Variants in COLEC10 observed in about 807,000 individuals in gnomAD.
COLEC10 encodes collectin-10.
COLEC10 carries 22 observed loss-of-function variants against 28.4 expected under a neutral mutation model. The ratio of observed to expected loss-of-function variants is 0.78; its 90% CI spans 0.55 to 1.11. COLEC10 has a LOEUF of 1.11. COLEC10 is among the 50% of genes least tolerant of loss of function. The pLI, the probability that COLEC10 is intolerant of heterozygous loss-of-function variation, is 0.00. For missense variants in COLEC10, 361 were observed against 344.1 expected (o/e 1.05, Z -0.39); for synonymous variants, 125 against 116.1 (o/e 1.08, Z -0.49).
intron 2 of COLEC10, among the ~76,000 whole-genome samples, chr8:119,045,418 C>A (rs1021527054): frequency 2.6e-5 from 4 of 152,226 alleles, no homozygotes; most frequent in Admixed American, 6.5e-5. Flanking sequence ...CACAGCACAG[C>A]AGCTCATACT....
the COLEC10 span, among the ~76,000 whole-genome samples, chr8:118,979,974 G>C: frequency 6.6e-6 from 1 of 152,058 alleles, no homozygotes. Flanking sequence ...AGGCTGCTCA[G>C]AACTTGGCAG....
chr8:119,096,273 A>G (rs1815714956), intron 3 of COLEC10, among the ~76,000 whole-genome samples: 1 of 152,166 alleles, frequency 6.6e-6, no homozygotes, highest in Non-Finnish European at 1.5e-5. Context: ...TGTAAGAAAA[A>G]CTAACAAATT....
chr8:118,983,392 A>G, the COLEC10 span, among the ~76,000 whole-genome samples: 1 of 152,136 alleles, frequency 6.6e-6, no homozygotes, highest in Non-Finnish European at 1.5e-5. Flanking sequence ...GTTAAAGCAG[A>G]TATCACATGA....
the COLEC10 span, among the ~76,000 whole-genome samples, chr8:118,988,741 T>C: frequency 6.6e-6 from 1 of 152,190 alleles, no homozygotes. Flanking sequence ...CTCTGAGGAC[T>C]GCATAAAAAA....
chr8:119,026,937 G>C (rs528170203), intron 2 of COLEC10, among the ~76,000 whole-genome samples: 1 of 152,188 alleles, frequency 6.6e-6, no homozygotes, highest in Admixed American at 6.6e-5. Context: ...TAATGAGGCT[G>C]ATTGCTGGGG....
chr8:119,065,752 G>C (rs1003778168), upstream of COLEC10, among the ~76,000 whole-genome samples: 7 of 151,666 alleles, frequency 4.6e-5, no homozygotes, highest in East Asian at 1.2e-3. Flanking sequence ...CAGCTACTCA[G>C]GAGGCTGAGG....
At chr8:119,075,477 G>A (rs2130243113) in intron 1 of COLEC10, among the ~76,000 whole-genome samples, 1 of 152,296 alleles carries the variant, frequency 6.6e-6, no homozygotes, top group East Asian at 1.9e-4. Flanking sequence ...CCTAACTAAT[G>A]TGGGGTTTCT....
the COLEC10 span, among the ~76,000 whole-genome samples, chr8:118,964,848 T>C: frequency 2.6e-5 from 4 of 152,308 alleles, no homozygotes; most frequent in South Asian, 4.1e-4. Context: ...CAGATACTGT[T>C]CCGTAAGTTT....
chr8:119,087,704 C>T (rs927372909), intron 1 of COLEC10, among the ~76,000 whole-genome samples: 2 of 151,958 alleles, frequency 1.3e-5, no homozygotes, highest in African/African-American at 2.4e-5. Flanking sequence ...AAATTTGGCA[C>T]GGTGCCAAAT....
intron 2 of COLEC10, among the ~76,000 whole-genome samples, chr8:119,046,052 A>G (rs151298156): frequency 3.3e-5 from 5 of 152,310 alleles, no homozygotes; most frequent in Admixed American, 1.3e-4. Context: ...TGAGGGGTAG[A>G]TGTGTCAGTG....
Position 119,069,605 on chromosome 8 carries a change from C to CAAAAAA in COLEC10, c.148+2196_148+2201dup, listed in dbSNP as rs138362458. On this transcript the variant is annotated intron_variant, in intron 1 of 5. Coordinates refer to ENST00000332843, the MANE Select transcript of COLEC10 (RefSeq NM_006438.5). ...TGGACAACAGAGTGAGACCCCATCTCAAAAAAAAAAAAAAAAAAAAAAAAA... is the reference window on the plus strand; with the variant it reads ...TGGACAACAGAGTGAGACCCCATCTCAAAAAAAAAAAAAAAAAAAAAAAAAAAAAAA... Among the ~76,000 whole-genome samples, 62 of 8,750 alleles carry CAAAAAA rather than the reference C, an allele frequency of 7.1e-3. 8 individuals are homozygous for CAAAAAA. The highest frequency in any genetic ancestry group is 0.011 in the Non-Finnish European group (36 of 3,374). The allele number at this position is 8,750 out of a possible 152,430, so 5.7% of individuals were successfully genotyped here. A position where few individuals can be genotyped will look rare whatever the true frequency, so the allele number is the denominator to read the frequency against.
At chr8:118,996,668 G>C (rs547774203) in intron 1 of COLEC10, among the ~76,000 whole-genome samples, 1 of 152,238 alleles carries the variant, frequency 6.6e-6, no homozygotes, top group African/African-American at 2.4e-5. Context: ...TTCTGTGCTA[G>C]TCTATTTGTG....
intron 2 of COLEC10, among the ~76,000 whole-genome samples, chr8:119,011,172 T>TC (rs1813895558): frequency 6.6e-6 from 1 of 151,188 alleles, no homozygotes; most frequent in East Asian, 1.9e-4. Flanking sequence ...GGTTGTAAAG[T>TC]CTGTGTCTAG....
intron 1 of COLEC10, among the ~76,000 whole-genome samples, chr8:118,996,791 G>C (rs1377913238): frequency 1.3e-5 from 2 of 152,188 alleles, no homozygotes; most frequent in Non-Finnish European, 2.9e-5. Context: ...TCAGCTTCTA[G>C]TGAGGCTTCA....
intron 1 of COLEC10, among the ~76,000 whole-genome samples, chr8:119,079,092 G>T (rs1815316880): frequency 1.3e-5 from 2 of 151,174 alleles, no homozygotes; most frequent in South Asian, 2.1e-4. Context: ...TCTCATAAAG[G>T]CTTCCTTCCC....
the COLEC10 span, among the ~76,000 whole-genome samples, chr8:118,959,963 T>C: frequency 6.6e-6 from 1 of 152,220 alleles, no homozygotes; most frequent in African/African-American, 2.4e-5. Flanking sequence ...ATGAAGTCCT[T>C]AGAAGTTTAG....
chr8:119,085,275 G>T (rs1413157382), intron 1 of COLEC10, among the ~76,000 whole-genome samples: 5 of 152,184 alleles, frequency 3.3e-5, no homozygotes, highest in Admixed American at 2.0e-4. Flanking sequence ...TGAATGGGGA[G>T]AAGGCTAACA....
chr8:119,093,201 T>C (rs1815645199), intron 3 of COLEC10, among the ~76,000 whole-genome samples: 1 of 152,186 alleles, frequency 6.6e-6, no homozygotes, highest in Admixed American at 6.5e-5. Flanking sequence ...TGTCCAGCAG[T>C]ATGTCCCTGC....
At chr8:119,069,629 A>AAAAAAAAAATATAT (rs1554627284) in intron 1 of COLEC10, among the ~76,000 whole-genome samples, 1 of 42,882 alleles carries the variant, frequency 2.3e-5, no homozygotes, top group East Asian at 9.6e-4. Context: ...AAAAAAAAAA[A>AAAAAAAAAATATAT]ATATATATAT....
Sources: allele counts gnomAD v4.1 joint callset (sites outside exome capture counted in the v4.1 genomes callset), GRCh38; gene constraint gnomAD v4.1.1; transcripts MANE v1.5; gene names NCBI Gene and HGNC (gene_info 2026-07-23, HGNC 2026-07-21).